The following ATP8A2 variants were observed in gnomAD, a reference collection of about 807,000 sequenced individuals.
ATP8A2 encodes phospholipid-transporting ATPase IB.
ATP8A2 carries 100 observed loss-of-function variants against 165.6 expected under a neutral mutation model. The ratio of observed to expected loss-of-function variants is 0.60; its 90% CI spans 0.51 to 0.71. The LOEUF (loss-of-function observed/expected upper bound fraction) is 0.71. Among genes scored for constraint, ATP8A2 ranks in the 30% least tolerant of loss-of-function variants. The pLI, the probability that ATP8A2 is intolerant of heterozygous loss-of-function variation, is 0.00. For synonymous variants in ATP8A2, 543 were observed against 548.8 expected (o/e 0.99, Z 0.15); for missense variants, 1,227 against 1,479.5 (o/e 0.83, Z 2.80).
At chr13:25,608,105 G>T (rs2040565234) in intron 24 of ATP8A2, among the ~76,000 whole-genome samples, 1 of 152,194 alleles carries the variant, frequency 6.6e-6, no homozygotes, top group Non-Finnish European at 1.5e-5. Context: ...ATAAGCCAAA[G>T]AGGCTTATTT....
chr13:25,460,876 C>T (rs1383773872), intron 1 of ATP8A2, among the ~76,000 whole-genome samples: 1 of 152,142 alleles, frequency 6.6e-6, no homozygotes, highest in Non-Finnish European at 1.5e-5. Flanking sequence ...TTTCTTTGGC[C>T]CCCATTGAGA....
At chr13:25,767,218 C>T (rs927426902) in intron 25 of ATP8A2, among the ~76,000 whole-genome samples, 4 of 152,268 alleles carry the variant, frequency 2.6e-5, no homozygotes, top group African/African-American at 7.2e-5. Context: ...ACAAACTAGG[C>T]GGGAATAGAT....
intron 25 of ATP8A2, among the ~76,000 whole-genome samples, chr13:25,732,651 C>CTT (rs1469859421): frequency 6.6e-6 from 1 of 152,142 alleles, no homozygotes; most frequent in East Asian, 1.9e-4. Context: ...TGTACTTCAG[C>CTT]TTGTCTGTGA....
chr13:25,460,412 G>A (rs1269030088), intron 1 of ATP8A2, among the ~76,000 whole-genome samples: 1 of 152,142 alleles, frequency 6.6e-6, no homozygotes, highest in Non-Finnish European at 1.5e-5. Flanking sequence ...TAGCAACAGA[G>A]GAAGTTGCTA....
rs371778718 is a variant in ATP8A2 at position 25,579,938 on chromosome 13, C to T, written c.1998C>T (p.Ile666=). The T allele has an allele frequency of 7.4e-6, 12 of 1,613,836 alleles. No individual in the cohort carries two copies. The highest frequency in any genetic ancestry group is 1.0e-5 in the Non-Finnish European group (12 of 1,179,948). The change falls in exon 22 of 37, where the codon ATC becomes ATT. Residue 666 remains isoleucine, a synonymous_variant. Coordinates refer to ENST00000381655, the MANE Select transcript of ATP8A2 (RefSeq NM_016529.6). ...AACGGTTGGAAGAGTGTTACGAGAT[C>T]ATTGAGAAGGTAACCGCACACAATA... ...RAQRLEECYE[I]IEKNLLLLGA...
intron 2 of ATP8A2, among the ~76,000 whole-genome samples, chr13:25,483,945 G>GT (rs1230564273): frequency 1.3e-5 from 2 of 152,170 alleles, no homozygotes; most frequent in African/African-American, 4.8e-5. Flanking sequence ...GTGGACTTGC[G>GT]TATTACTCTG....
chr13:25,393,472 G>A (rs1488937671), intron 1 of ATP8A2, among the ~76,000 whole-genome samples: 1 of 152,178 alleles, frequency 6.6e-6, no homozygotes, highest in Non-Finnish European at 1.5e-5. Flanking sequence ...CTGGAGTGCA[G>A]TGGTGCAATC....
intron 2 of ATP8A2, among the ~76,000 whole-genome samples, chr13:25,480,480 G>T (rs1241533220): frequency 6.0e-5 from 9 of 149,828 alleles, no homozygotes; most frequent in Non-Finnish European, 1.2e-4. Context: ...CCCAGACGGG[G>T]TCGCGGCCGG....
intron 35 of ATP8A2, among the ~76,000 whole-genome samples, chr13:25,976,639 T>C (rs1297837285): frequency 6.6e-6 from 1 of 152,006 alleles, no homozygotes; most frequent in Admixed American, 6.6e-5. Context: ...TAGTTGCATG[T>C]TGTTGTCTTT....
chr13:25,585,809 A>G (rs974020769), intron 23 of ATP8A2, among the ~76,000 whole-genome samples: 2 of 152,132 alleles, frequency 1.3e-5, no homozygotes, highest in Non-Finnish European at 2.9e-5. Context: ...GATGTTCTCA[A>G]TCTTACTGCT....
chr13:25,696,437 T>C (rs1478359055), intron 24 of ATP8A2, among the ~76,000 whole-genome samples: 4 of 152,240 alleles, frequency 2.6e-5, no homozygotes, highest in African/African-American at 9.6e-5. Context: ...CTTCTTTTAA[T>C]AGACGGCTGT....
At chr13:25,922,194 G>T (rs181658416) in intron 33 of ATP8A2, among the ~76,000 whole-genome samples, 2 of 151,968 alleles carry the variant, frequency 1.3e-5, no homozygotes, top group African/African-American at 4.8e-5. Flanking sequence ...TCAGTAACAC[G>T]CAATTTCAAA....
At chr13:25,978,882 G>A (rs1443375754) in intron 35 of ATP8A2, among the ~76,000 whole-genome samples, 1 of 152,144 alleles carries the variant, frequency 6.6e-6, no homozygotes, top group Non-Finnish European at 1.5e-5. Flanking sequence ...GGAGCTTGGA[G>A]TGAGCCGAGA....
intron 2 of ATP8A2, among the ~76,000 whole-genome samples, chr13:25,508,645 G>A (rs2037125556): frequency 6.6e-6 from 1 of 152,170 alleles, no homozygotes. Flanking sequence ...ATGTAAGATT[G>A]TATAAACTTG....
At chr13:25,450,405 C>T (rs2035181789) in intron 1 of ATP8A2, among the ~76,000 whole-genome samples, 1 of 152,192 alleles carries the variant, frequency 6.6e-6, no homozygotes, top group East Asian at 1.9e-4. Flanking sequence ...ACCACACTGG[C>T]TTCCACAATG....
chr13:25,431,853 C>A (rs2034623710), intron 1 of ATP8A2, among the ~76,000 whole-genome samples: 2 of 152,126 alleles, frequency 1.3e-5, no homozygotes, highest in African/African-American at 4.8e-5. Context: ...ATTTTCCTCA[C>A]CCCTCAAAAT....
chr13:25,633,049 A>T (rs1246745001), intron 24 of ATP8A2, among the ~76,000 whole-genome samples: 1 of 152,318 alleles, frequency 6.6e-6, no homozygotes. Context: ...AGAATGTTTG[A>T]TTCTCAAAGT....
At chr13:25,551,555 A>G (rs759543065) in intron 11 of ATP8A2, 52 bp downstream of exon 11, 2 of 1,541,124 alleles carry the variant, frequency 1.3e-6, no homozygotes, top group East Asian at 2.3e-5. Flanking sequence ...CATTTTTGAG[A>G]TGTTCTTGCA....
At chr13:25,751,389 G>A (rs565539186) in intron 25 of ATP8A2, among the ~76,000 whole-genome samples, 1 of 152,274 alleles carries the variant, frequency 6.6e-6, no homozygotes, top group Admixed American at 6.5e-5. Context: ...GGCAAGGATT[G>A]TAAAGCTTTA....
Sources: allele counts gnomAD v4.1 joint callset (sites outside exome capture counted in the v4.1 genomes callset), GRCh38; gene constraint gnomAD v4.1.1; transcripts MANE v1.5; gene names NCBI Gene and HGNC (gene_info 2026-07-23, HGNC 2026-07-21).